PNPT1: variants seen among roughly 807,000 people sequenced by gnomAD.
The protein encoded by PNPT1 is polyribonucleotide nucleotidyltransferase 1, mitochondrial.
In PNPT1, 53 loss-of-function variants were observed where a neutral mutation model predicts 119.5. The ratio of observed to expected loss-of-function variants is 0.44; its 90% confidence interval spans 0.36 to 0.56. The LOEUF is 0.56. PNPT1 is among the 20% of genes least tolerant of loss of function. The pLI is 0.00. For missense variants in PNPT1, 948 were observed against 938.5 expected, an observed-to-expected ratio of 1.01 and a Z score of -0.13; for synonymous variants, 357 against 322.1, an observed-to-expected ratio of 1.11 and a Z score of -1.16.
intron 22 of PNPT1, chr2:55,645,022 A>ATTTTT (rs528402444): frequency 3.4e-5 from 6 of 178,140 alleles, no homozygotes; most frequent in South Asian, 1.5e-4. Flanking sequence ...GATCACTAAA[A>ATTTTT]TTTTTTTTTT....
At chr2:55,638,785 T>G (rs899348298) in intron 26 of PNPT1, among the ~76,000 whole-genome samples, 1 of 152,078 alleles carries the variant, frequency 6.6e-6, no homozygotes, top group African/African-American at 2.4e-5. Context: ...ACATCTTTTT[T>G]TTTTTTTGAG....
intron 13 of PNPT1, among the ~76,000 whole-genome samples, chr2:55,665,814 TAAAG>T (rs1696714851): frequency 6.6e-6 from 1 of 152,136 alleles, no homozygotes; most frequent in East Asian, 1.9e-4. Context: ...TTGATAGAAT[TAAAG>T]AAACAATTAA....
At chr2:55,657,719 T>G (rs1696432313) in intron 15 of PNPT1, among the ~76,000 whole-genome samples, 1 of 151,722 alleles carries the variant, frequency 6.6e-6, no homozygotes, top group African/African-American at 2.4e-5. Context: ...ATTAAACCTC[T>G]GGATCTAGCG....
intron 1 of PNPT1, among the ~76,000 whole-genome samples, chr2:55,691,878 A>ATATATTTTTTTTTT (rs1326804958): frequency 3.0e-5 from 1 of 33,130 alleles, no homozygotes; most frequent in Non-Finnish European, 5.9e-5. Flanking sequence ...ATATATATAT[A>ATATATTTTTTTTTT]TTTTTTTTTT....
At chr2:55,640,279 G>A (rs1306054315) in intron 26 of PNPT1, among the ~76,000 whole-genome samples, 2 of 151,834 alleles carry the variant, frequency 1.3e-5, no homozygotes, top group Non-Finnish European at 2.9e-5. Context: ...TCAGCCTCCC[G>A]AGTAGCTAAG....
chr2:55,657,692 G>A (rs1039820242), intron 15 of PNPT1, among the ~76,000 whole-genome samples: 1 of 151,480 alleles, frequency 6.6e-6, no homozygotes, highest in Non-Finnish European at 1.5e-5. Context: ...AAATGCAGTG[G>A]ATGGAGCAGG....
Position 55,687,718 on chromosome 2 carries a change from A to T in PNPT1, c.162-13T>A. The T allele has an allele frequency of 6.3e-7, 1 of 1,587,390 alleles. No individual in the cohort carries two copies. The highest frequency in any genetic ancestry group is 1.4e-5 in the African/African-American group (1 of 73,792). On this transcript the variant is annotated splice_polypyrimidine_tract_variant and intron_variant, in intron 1 of 27. Coordinates refer to ENST00000447944, the MANE Select transcript of PNPT1 (RefSeq NM_033109.5). Reference sequence around the variant, plus strand: ...TATTTCTAATTTCCTGTTTAAAAATAAAAATGCAATACAAGAAGACTTAGG... The same window carrying T: ...TATTTCTAATTTCCTGTTTAAAAATTAAAATGCAATACAAGAAGACTTAGG...
chr2:55,645,435 A>G lies in PNPT1; in HGVS notation c.1739-3T>C. The G allele has an allele frequency of 6.3e-7, 1 of 1,596,306 alleles. No individual in the cohort carries two copies. The highest frequency in any genetic ancestry group is 8.6e-7 in the Non-Finnish European group (1 of 1,166,510). ...CTGTAATATCTCCTTTTTTGCCACTAGAAGAGAAAAACACAAAAATTATAA... is the reference window on the plus strand; with the variant it reads ...CTGTAATATCTCCTTTTTTGCCACTGGAAGAGAAAAACACAAAAATTATAA... On this transcript the variant is annotated splice_polypyrimidine_tract_variant and splice_region_variant and intron_variant, in intron 21 of 27. Transcript: ENST00000447944.
chr2:55,688,243 T>C (rs1056208717), intron 1 of PNPT1, among the ~76,000 whole-genome samples: 1 of 152,034 alleles, frequency 6.6e-6, no homozygotes, highest in Non-Finnish European at 1.5e-5. Flanking sequence ...TCTTACTATA[T>C]TGTTTAGGCT....
intron 13 of PNPT1, among the ~76,000 whole-genome samples, chr2:55,663,996 G>A (rs930887566): frequency 6.6e-6 from 1 of 151,944 alleles, no homozygotes; most frequent in African/African-American, 2.4e-5. Flanking sequence ...CCCAAAAAAA[G>A]AAAACTCATA....
intron 11 of PNPT1, 24 bp downstream of exon 11, chr2:55,671,295 A>G (rs767223134): frequency 1.5e-6 from 2 of 1,369,432 alleles, no homozygotes; most frequent in East Asian, 5.2e-5. Context: ...GCAAAAAAAT[A>G]AAATAAAATA....
At chr2:55,687,321 T>C (rs962511618) in intron 2 of PNPT1, among the ~76,000 whole-genome samples, 1 of 151,810 alleles carries the variant, frequency 6.6e-6, no homozygotes, top group Non-Finnish European at 1.5e-5. Flanking sequence ...ACGCCTGTAG[T>C]CCCAGCTACT....
chr2:55,686,679 T>C (rs1247375003), intron 2 of PNPT1, among the ~76,000 whole-genome samples: 3 of 152,238 alleles, frequency 2.0e-5, no homozygotes, highest in Admixed American at 6.5e-5. Context: ...ATTCAATGAA[T>C]TGAATAGTAT....
At chr2:55,673,465 T>C (rs867131872) in intron 8 of PNPT1, among the ~76,000 whole-genome samples, 9 of 151,896 alleles carry the variant, frequency 5.9e-5, no homozygotes, top group Admixed American at 1.3e-4. Flanking sequence ...TTTTTTTTTT[T>C]TGAGACAGAG....
intron 22 of PNPT1, 121 bp downstream of exon 22, chr2:55,645,228 G>A: frequency 1.7e-6 from 1 of 595,834 alleles, no homozygotes; most frequent in South Asian, 1.9e-5. Flanking sequence ...GTTTCACCGT[G>A]TTAGCCAGGA....
At chr2:55,679,251 A>G (rs1298217228) in intron 8 of PNPT1, among the ~76,000 whole-genome samples, 1 of 152,212 alleles carries the variant, frequency 6.6e-6, no homozygotes, top group African/African-American at 2.4e-5. Context: ...TCAAGAGGAT[A>G]CCAAGCAGAC....
At chr2:55,677,420 C>T (rs986624137) in intron 8 of PNPT1, among the ~76,000 whole-genome samples, 1 of 151,926 alleles carries the variant, frequency 6.6e-6, no homozygotes, top group Admixed American at 6.6e-5. Flanking sequence ...ATGGCAAAAC[C>T]CCATCTCTAC....
chr2:55,657,616 C>T (rs1379009844), intron 15 of PNPT1, among the ~76,000 whole-genome samples: 2 of 151,398 alleles, frequency 1.3e-5, no homozygotes, highest in African/African-American at 4.8e-5. Flanking sequence ...GAACTCCTGA[C>T]CTCAGGTGAT....
chr2:55,670,729 G>C (rs1399919595), intron 11 of PNPT1, among the ~76,000 whole-genome samples: 1 of 152,078 alleles, frequency 6.6e-6, no homozygotes, highest in Non-Finnish European at 1.5e-5. Context: ...ATATATTTGG[G>C]TTTTCAAATG....
Sources: allele counts gnomAD v4.1 joint callset (sites outside exome capture counted in the v4.1 genomes callset), GRCh38; gene constraint gnomAD v4.1.1; transcripts MANE v1.5; gene names NCBI Gene and HGNC (gene_info 2026-07-23, HGNC 2026-07-21).